The following GUCY1A1 variants were observed in gnomAD, a reference collection of about 807,000 sequenced individuals.
The protein encoded by GUCY1A1 is guanylate cyclase soluble subunit alpha-1.
A neutral mutation model predicts 64.5 loss-of-function variants in GUCY1A1; 48 were observed. The ratio of observed to expected loss-of-function variants is 0.74; its 90% CI spans 0.59 to 0.95. The LOEUF (loss-of-function observed/expected upper bound fraction) is 0.95. Ranked by LOEUF, GUCY1A1 falls within the 40% of genes least tolerant of loss-of-function variation. GUCY1A1 has a pLI of 0.00. For missense variants in GUCY1A1, 804 were observed against 825.3 expected, an observed-to-expected ratio of 0.97 and a Z score of 0.32; for synonymous variants, 308 against 303.4, an observed-to-expected ratio of 1.02 and a Z score of -0.16.
chr4:155,730,088 C>A lies in GUCY1A1; in HGVS notation c.1930C>A (p.Pro644Thr), dbSNP rs757933256. ...FTPRSREELP[P>T]NFPSEIPGIC... ...CCCTCGATCAAGGGAGGAACTTCCA[C>A]CAAACTTCCCTAGTGAAATCCCCGG... is the stretch of plus-strand genomic sequence containing the variant. Residue 644 changes from proline (P) to threonine (T), a missense_variant, in exon 10 of 10, where the codon CCA becomes ACA. Physicochemically the swap from Pro to Thr is conservative, Grantham distance 38 (BLOSUM62 -1). Coordinates refer to ENST00000506455, the MANE Select transcript of GUCY1A1 (RefSeq NM_001130682.3). 19 of 1,611,042 alleles carry A rather than the reference C, an allele frequency of 1.2e-5. No individual in the cohort carries two copies. The highest frequency in any genetic ancestry group is 1.5e-5 in the Non-Finnish European group (18 of 1,177,742).
chr4:155,695,207 T>C (rs1170711642), intron 2 of GUCY1A1, among the ~76,000 whole-genome samples: 1 of 152,242 alleles, frequency 6.6e-6, no homozygotes, highest in Admixed American at 6.5e-5. Flanking sequence ...GGGGATCAGA[T>C]ACTGAATTTA....
intron 2 of GUCY1A1, among the ~76,000 whole-genome samples, chr4:155,676,143 G>A (rs538256408): frequency 3.3e-5 from 4 of 119,690 alleles, no homozygotes; most frequent in South Asian, 6.9e-4. Context: ...CTTGGACATA[G>A]CTTTTTAAAG....
At chr4:155,672,539 A>C (rs897337670) in intron 2 of GUCY1A1, among the ~76,000 whole-genome samples, 4 of 152,216 alleles carry the variant, frequency 2.6e-5, no homozygotes, top group Non-Finnish European at 5.9e-5. Flanking sequence ...CTTTCTGCAG[A>C]ATAGATGTCA....
chr4:155,676,284 G>A lies in GUCY1A1; in HGVS notation c.-113+8865G>A, dbSNP rs558607219. Among the ~76,000 whole-genome samples, 79 of 140,718 alleles carry A rather than the reference G, an allele frequency of 5.6e-4. 1 individual carries two copies. The highest frequency in any genetic ancestry group is 1.0e-3 in the Non-Finnish European group (67 of 66,386). The allele number at this position is 140,718 out of a possible 152,430, so 92.3% of individuals were successfully genotyped here. A position where few individuals can be genotyped will look rare whatever the true frequency, so the allele number is the denominator to read the frequency against. On this transcript the variant is annotated intron_variant, in intron 2 of 9. Transcript: ENST00000506455. ...GGAAGACCAAAAGAAAGCAAAGAAT[G>A]TCCTAAGAAGAGCTGGTTTTTTTTT... is the stretch of plus-strand genomic sequence containing the variant.
At chr4:155,717,556 G>T (rs1284333711) in intron 8 of GUCY1A1, among the ~76,000 whole-genome samples, 1 of 152,142 alleles carries the variant, frequency 6.6e-6, no homozygotes, top group Non-Finnish European at 1.5e-5. Flanking sequence ...GTTTCCCATA[G>T]TATAGGGATT....
chr4:155,682,227 C>T (rs919678703), intron 2 of GUCY1A1, among the ~76,000 whole-genome samples: 1 of 152,096 alleles, frequency 6.6e-6, no homozygotes, highest in African/African-American at 2.4e-5. Flanking sequence ...AAAATAAGCT[C>T]AAATTCTGTA....
chr4:155,716,912 A>G (rs1409104735), intron 7 of GUCY1A1, among the ~76,000 whole-genome samples: 1 of 152,190 alleles, frequency 6.6e-6, no homozygotes. Context: ...ATCTGGGAGT[A>G]GAAGTCAACT....
In GUCY1A1 at chr4:155,717,171, GGCGAT is replaced by G; in HGVS notation, c.1588_1592del (p.Asp530LeufsTer12). The G allele has an allele frequency of 6.6e-7, 1 of 1,509,298 alleles. No homozygotes were observed. Among genetic ancestry groups the G allele is most frequent in the Non-Finnish European group, 8.9e-7 (1 of 1,118,864 alleles). 93.5% of individuals were successfully genotyped at this position (1,509,298 alleles called of 1,614,324 possible). On this transcript the variant is annotated frameshift_variant, in exon 8 of 10. Coordinates refer to ENST00000506455, the MANE Select transcript of GUCY1A1 (RefSeq NM_001130682.3). LOFTEE classifies it high-confidence loss of function. ...ATATTATGTCTAGGTGGAGACCATT[GGCGAT>G]GCCTATTGTGTAGCTGGGGGATTAC...
chr4:155,701,093 C>T (rs1731022892), intron 3 of GUCY1A1, among the ~76,000 whole-genome samples: 2 of 152,000 alleles, frequency 1.3e-5, no homozygotes, highest in South Asian at 4.2e-4. Context: ...AAGTACAGCA[C>T]CAAGGTAGGA....
Position 155,730,023 on chromosome 4 carries a change from T to C in GUCY1A1, c.1872-7T>C. On this transcript the variant is annotated splice_polypyrimidine_tract_variant and splice_region_variant and intron_variant, in intron 9 of 9. Transcript: ENST00000506455. ...TTTATGTCAGTATTATATTTTAATA[T>C]TTTCAGATTACTCAAAGACTGTCCT... 6.4e-7 allele frequency: 1 copy of C among 1,556,570 alleles called. No individual in the cohort carries two copies. The highest frequency in any genetic ancestry group is 8.9e-7 in the Non-Finnish European group (1 of 1,128,942).
intron 8 of GUCY1A1, among the ~76,000 whole-genome samples, chr4:155,720,092 A>G (rs6854751): frequency 0.74 from 113,213 of 152,100 alleles, 42,300 homozygotes; most frequent in East Asian, 0.93. Context: ...GCAGCACGGC[A>G]TGGAAGGACT....
intron 2 of GUCY1A1, among the ~76,000 whole-genome samples, chr4:155,672,020 T>C (rs2126506641): frequency 2.9e-5 from 1 of 33,930 alleles, no homozygotes; most frequent in South Asian, 8.3e-4. Context: ...CCCCCTCCGT[T>C]TTTTTTTTGC....
rs1377690573 is a variant in GUCY1A1, at chr4:155,710,942, GA to G, written c.781del (p.Ser261AlafsTer16). 6.2e-7 allele frequency: 1 copy of G among 1,613,726 alleles called. No homozygotes were observed. The highest frequency in any genetic ancestry group is 8.5e-7 in the Non-Finnish European group (1 of 1,179,744). ...QPYLLYSVHM[K>X]STKPSLSPSK... ...CCTACTTGTTGTACTCCGTTCACAT[GA>G]AAAGCACCAAGCCATCCCTGTCCCC... On this transcript the variant is annotated frameshift_variant, in exon 6 of 10. Transcript: ENST00000506455. LOFTEE classifies it high-confidence loss of function.
intron 7 of GUCY1A1, 61 bp from the exon 8 acceptor site, chr4:155,717,098 G>A (rs1042028790): frequency 4.5e-5 from 52 of 1,164,400 alleles, no homozygotes; most frequent in Middle Eastern, 2.1e-4. Context: ...TCTTCTATCC[G>A]ATGTAGGCTG....
rs1031288406 is a variant in GUCY1A1 at position 155,708,424 on chromosome 4, A to G, written c.376+130A>G. The G allele has an allele frequency of 5.4e-6, 3 of 558,588 alleles. No individual in the cohort carries two copies. The African/African-American group carries it at 5.6e-5, about 10-fold the overall frequency. The allele number at this position is 558,588 out of a possible 1,614,324, so 34.6% of individuals were successfully genotyped here. On this transcript the variant is annotated intron_variant, in intron 5 of 9. Transcript: ENST00000506455. ...GTGTTCAATATTATGTATTCTGTTA[A>G]CGTAAAGAGTAACTCTTTTTGATAC...
At chr4:155,675,488 G>C (rs148300150) in intron 2 of GUCY1A1, among the ~76,000 whole-genome samples, 1,674 of 151,596 alleles carry the variant, frequency 0.011, 23 homozygotes, top group Non-Finnish European at 0.019. Flanking sequence ...CAAAAGGCAG[G>C]CTTCCCAGCG....
intron 2 of GUCY1A1, among the ~76,000 whole-genome samples, chr4:155,686,972 G>C (rs777479671): frequency 3.3e-5 from 5 of 151,964 alleles, no homozygotes; most frequent in Non-Finnish European, 7.4e-5. Flanking sequence ...AACTTTCTTG[G>C]TATATTCTCT....
chr4:155,687,945 C>T lies in GUCY1A1; in HGVS notation c.-112-8811C>T, dbSNP rs180764609. ...ACTTAAAAACTCACCATTACAGGGC[C>T]GGGTGCGGTGGCTCACATCTGTAAT... On this transcript the variant is annotated intron_variant, in intron 2 of 9. Coordinates refer to ENST00000506455, the MANE Select transcript of GUCY1A1 (RefSeq NM_001130682.3). Among the ~76,000 whole-genome samples, 455 of 152,058 alleles carry T rather than the reference C, an allele frequency of 3.0e-3. 2 individuals carry two copies. Among genetic ancestry groups the T allele is most frequent in the Non-Finnish European group, 4.8e-3 (327 of 67,992 alleles).
intron 2 of GUCY1A1, among the ~76,000 whole-genome samples, chr4:155,679,555 C>G (rs1324272747): frequency 6.6e-6 from 1 of 152,096 alleles, no homozygotes; most frequent in Non-Finnish European, 1.5e-5. Context: ...ACAGCCAGCT[C>G]TTGAAGGAAC....
Sources: allele counts gnomAD v4.1 joint callset (sites outside exome capture counted in the v4.1 genomes callset), GRCh38; gene constraint gnomAD v4.1.1; transcripts MANE v1.5; gene names NCBI Gene and HGNC (gene_info 2026-07-23, HGNC 2026-07-21).